Variants in CRKL observed in about 807,000 individuals in gnomAD.
The protein encoded by CRKL is crk-like protein.
CRKL carries 3 observed loss-of-function variants against 23.0 expected under a neutral mutation model. That is an observed-to-expected ratio of 0.13 (90% CI 0.06 to 0.34). The LOEUF (loss-of-function observed/expected upper bound fraction) is 0.34, where lower values mean the gene tolerates loss of function less well. CRKL is among the 10% of genes least tolerant of loss of function. CRKL has a pLI of 1.00. For synonymous variants in CRKL, 188 were observed against 160.7 expected (o/e 1.17, Z -1.28); for missense variants, 256 against 394.5 (o/e 0.65, Z 2.97).
At chr22:20,940,608 A>T (rs1387145427) in intron 2 of CRKL, among the ~76,000 whole-genome samples, 5 of 134,090 alleles carry the variant, frequency 3.7e-5, no homozygotes, top group Admixed American at 7.8e-5. Context: ...TCTTAGTGAT[A>T]CTCAGCGTTC....
intron 1 of CRKL, among the ~76,000 whole-genome samples, chr22:20,920,741 C>T (rs4822687): frequency 0.63 from 95,002 of 149,744 alleles, 30,427 homozygotes; most frequent in South Asian, 0.79. Flanking sequence ...TGTACCTTTG[C>T]ACCTTTGCTC....
chr22:20,945,049 A>C (rs1159314587), intron 2 of CRKL, among the ~76,000 whole-genome samples: 2 of 151,282 alleles, frequency 1.3e-5, no homozygotes, highest in African/African-American at 4.9e-5. Flanking sequence ...GCTGGAGTGC[A>C]GTGGTGTGAT....
At chr22:20,947,813 A>G (rs937878451) in intron 2 of CRKL, among the ~76,000 whole-genome samples, 22 of 144,034 alleles carry the variant, frequency 1.5e-4, no homozygotes, top group Admixed American at 1.4e-3. Flanking sequence ...TCATTCTCCC[A>G]AGTAGCTGGG....
chr22:20,945,009 T>C (rs1049189426), intron 2 of CRKL, among the ~76,000 whole-genome samples: 5 of 151,658 alleles, frequency 3.3e-5, no homozygotes, highest in Non-Finnish European at 7.4e-5. Flanking sequence ...TTTCTTTTTT[T>C]TTGGGATGGA....
At chr22:20,935,273 C>T (rs578063823) in intron 2 of CRKL, among the ~76,000 whole-genome samples, 33 of 151,946 alleles carry the variant, frequency 2.2e-4, no homozygotes, top group African/African-American at 6.5e-4. Flanking sequence ...CCACCATGCC[C>T]GTCGAATTTT....
At chr22:20,942,355 TG>T (rs780674598) in intron 2 of CRKL, among the ~76,000 whole-genome samples, 3 of 152,216 alleles carry the variant, frequency 2.0e-5, no homozygotes, top group Non-Finnish European at 2.9e-5. Context: ...GAGACCAGCC[TG>T]GGCAACATAG....
intron 1 of CRKL, among the ~76,000 whole-genome samples, chr22:20,925,745 C>T (rs983148550): frequency 2.6e-5 from 4 of 152,074 alleles, no homozygotes; most frequent in African/African-American, 7.2e-5. Context: ...CAACGGTATT[C>T]GAATTCTGTC....
chr22:20,946,733 A>C (rs9608579), intron 2 of CRKL, among the ~76,000 whole-genome samples: 8 of 150,822 alleles, frequency 5.3e-5, no homozygotes, highest in East Asian at 3.9e-4. Flanking sequence ...CAAAAAAAAA[A>C]AACAGATTGA....
rs767808249 is a variant in CRKL at position 20,918,105 on chromosome 22, G to T, written c.171G>T (p.Arg57=). Residue 57 remains arginine (R), a synonymous_variant, in exon 1 of 3, where the codon CGG becomes CGT. Transcript: ENST00000354336. ...DYVLSVSENS[R]VSHYIINSLP... ...TGCTGTCGGTGTCCGAGAACTCGCG[G>T]GTCTCCCACTACATCATCAACTCGC... is the stretch of plus-strand genomic sequence containing the variant. 1 of 1,614,162 alleles carries T rather than the reference G, an allele frequency of 6.2e-7. No individual in the cohort carries two copies. Among genetic ancestry groups the T allele is most frequent in the African/African-American group, 1.3e-5 (1 of 75,026 alleles).
intron 1 of CRKL, among the ~76,000 whole-genome samples, chr22:20,930,806 G>C (rs9620650): frequency 6.3e-5 from 9 of 143,582 alleles, no homozygotes; most frequent in Admixed American, 5.8e-4. Context: ...TCAGCCTCCC[G>C]AGTGGCTGGG....
intron 1 of CRKL, among the ~76,000 whole-genome samples, chr22:20,927,786 T>A (rs1307201868): frequency 7.5e-6 from 1 of 132,582 alleles, no homozygotes; most frequent in Non-Finnish European, 1.5e-5. Flanking sequence ...GAGGTTGCAA[T>A]GAGTTGAGAT....
At chr22:20,945,441 T>C (rs891650908) in intron 2 of CRKL, among the ~76,000 whole-genome samples, 1 of 152,208 alleles carries the variant, frequency 6.6e-6, no homozygotes, top group Non-Finnish European at 1.5e-5. Flanking sequence ...AAAGCCCACA[T>C]ACTCTTGTAC....
In CRKL at chr22:20,951,988, C is replaced by T. The variant is rs1922296878; in HGVS notation, c.*2143C>T. 1 of 222,492 alleles carries T rather than the reference C, an allele frequency of 4.5e-6. No homozygotes were observed. The highest frequency in any genetic ancestry group is 9.0e-6 in the Non-Finnish European group (1 of 111,420). The allele number at this position is 222,492 out of a possible 1,614,324, so 13.8% of individuals were successfully genotyped here. A position where few individuals can be genotyped will look rare whatever the true frequency, so the allele number is the denominator to read the frequency against. On this transcript the variant is annotated 3_prime_UTR_variant, in exon 3 of 3. Coordinates refer to ENST00000354336, the MANE Select transcript of CRKL (RefSeq NM_005207.4). ...TGGCTTATTTTGGGTTCAGGCCTGG[C>T]GTAGCACCCACAAGTGGCAGACATA...
intron 1 of CRKL, among the ~76,000 whole-genome samples, chr22:20,925,668 A>G (rs1022857627): frequency 6.6e-6 from 1 of 152,240 alleles, no homozygotes; most frequent in Non-Finnish European, 1.5e-5. Context: ...GCACATAGCA[A>G]CTCACCTGGA....
chr22:20,933,035 G>A (rs1253975372), intron 1 of CRKL, among the ~76,000 whole-genome samples: 1 of 151,436 alleles, frequency 6.6e-6, no homozygotes, highest in Non-Finnish European at 1.5e-5. Flanking sequence ...AACTGAAATT[G>A]CGCTACTGCA....
chr22:20,948,671 CTGTTT>C (rs1349587501), intron 2 of CRKL, among the ~76,000 whole-genome samples: 1 of 152,074 alleles, frequency 6.6e-6, no homozygotes, highest in Non-Finnish European at 1.5e-5. Flanking sequence ...AACCTTATGC[CTGTTT>C]TTATTTTGAG....
At position 20,952,089 on chromosome 22, in the gene CRKL, T is replaced by A. The variant is rs770663498; in HGVS notation, c.*2244T>A. On this transcript the variant is annotated 3_prime_UTR_variant, in exon 3 of 3. Transcript: ENST00000354336. Reference sequence around the variant, plus strand: ...GTGACGTGGTTCATCCCGGCCCATGTTGAGCCATGAGTGGAGTTTCCAACA... The same window carrying A: ...GTGACGTGGTTCATCCCGGCCCATGATGAGCCATGAGTGGAGTTTCCAACA... 3.1e-5 allele frequency: 7 copies of A among 226,102 alleles called. No homozygotes were observed. Among genetic ancestry groups the A allele is most frequent in the Non-Finnish European group, 6.1e-5 (7 of 114,610 alleles). The allele number at this position is 226,102 out of a possible 1,614,324, so 14.0% of individuals were successfully genotyped here.
At position 20,951,709 on chromosome 22, in the gene CRKL, A is replaced by G. The variant is rs897384643; in HGVS notation, c.*1864A>G. ...AGCAATGCATTCTGGAGACAGAACC[A>G]GCAGAACAGCCATTTTTCAATTTTT... On this transcript the variant is annotated 3_prime_UTR_variant, in exon 3 of 3. Transcript: ENST00000354336. The G allele has an allele frequency of 8.9e-6, 2 of 224,216 alleles. No individual in the cohort carries two copies. 13.9% of individuals were successfully genotyped at this position (224,216 alleles called of 1,614,324 possible).
chr22:20,947,632 G>A (rs947898038), intron 2 of CRKL, among the ~76,000 whole-genome samples: 6 of 150,030 alleles, frequency 4.0e-5, no homozygotes, highest in African/African-American at 7.3e-5. Context: ...GAGCCACTGC[G>A]CCTAGGCTTT....
Sources: gnomAD v4.1 joint callset for allele counts (sites outside exome capture counted in the v4.1 genomes callset) on GRCh38, gnomAD v4.1.1 for gene constraint, MANE v1.5 for transcripts, NCBI Gene and HGNC (gene_info 2026-07-23, HGNC 2026-07-21) for gene names.